The following BDP1 variants were observed in gnomAD, a reference collection of about 807,000 sequenced individuals.
BDP1 encodes BDP1 general transcription factor IIIB subunit.
A neutral mutation model predicts 266.6 loss-of-function variants in BDP1; 169 were observed. The ratio of observed to expected loss-of-function variants is 0.63; its 90% CI spans 0.56 to 0.72. The LOEUF is 0.72. BDP1 is among the 30% of genes least tolerant of loss of function. The pLI, the probability that BDP1 is intolerant of heterozygous loss-of-function variation, is 0.00. For synonymous variants in BDP1, 1,090 were observed against 1,022.4 expected, an observed-to-expected ratio of 1.07 and a Z score of -1.26; for missense variants, 3,015 against 3,053.8, an observed-to-expected ratio of 0.99 and a Z score of 0.30.
At chr5:71,572,215 G>C (rs1460215573), downstream of BDP1, among the ~76,000 whole-genome samples, 1 of 152,036 alleles carries the variant, frequency 6.6e-6, no homozygotes, top group East Asian at 1.9e-4. Flanking sequence ...TAAAGCTCAG[G>C]GCCCTTGTTC....
At chr5:71,463,831 A>C (rs1317417164) in intron 3 of BDP1, among the ~76,000 whole-genome samples, 1 of 8,328 alleles carries the variant, frequency 1.2e-4, no homozygotes, top group East Asian at 0.015. Context: ...TGTTGTATTA[A>C]AAAAAAAAAA....
chr5:71,541,074 T>G (rs771138343), intron 28 of BDP1, among the ~76,000 whole-genome samples: 9 of 152,192 alleles, frequency 5.9e-5, no homozygotes, highest in Non-Finnish European at 1.0e-4. Flanking sequence ...CAAAAACATA[T>G]AGAACATAAA....
Position 71,516,135 on chromosome 5 carries a change from G to T in BDP1, c.4724G>T (p.Arg1575Leu). 1 of 1,612,874 alleles carries T rather than the reference G, an allele frequency of 6.2e-7. No individual in the cohort carries two copies. The highest frequency in any genetic ancestry group is 8.5e-7 in the Non-Finnish European group (1 of 1,179,336). The change falls in exon 21 of 39, where the codon CGA becomes CTA. Residue 1575 changes from arginine to leucine, a missense_variant. Coordinates refer to ENST00000358731, the MANE Select transcript of BDP1 (RefSeq NM_018429.3). The part of the protein sequence containing the change: ...VIQTARQVRG[R>L]LQRPRPNIRK... Reference sequence around the variant, plus strand: ...CAAACTGCTCGACAAGTAAGGGGCCGACTTCAGAGACCGAGACCAAATATA... The same window carrying T: ...CAAACTGCTCGACAAGTAAGGGGCCTACTTCAGAGACCGAGACCAAATATA...
At chr5:71,471,210 T>C (rs920398573) in intron 7 of BDP1, among the ~76,000 whole-genome samples, 1 of 147,884 alleles carries the variant, frequency 6.8e-6, no homozygotes, top group Non-Finnish European at 1.5e-5. Context: ...TGGTGCGATA[T>C]CGGCTCACTG....
At chr5:71,526,761 C>T (rs1473610113) in intron 25 of BDP1, among the ~76,000 whole-genome samples, 3 of 145,242 alleles carry the variant, frequency 2.1e-5, no homozygotes, top group Non-Finnish European at 4.5e-5. Flanking sequence ...GATCTTGGCT[C>T]ATTGCAACCT....
At chr5:71,505,237 C>A (rs1365458740) in intron 16 of BDP1, among the ~76,000 whole-genome samples, 1 of 152,096 alleles carries the variant, frequency 6.6e-6, no homozygotes, top group Non-Finnish European at 1.5e-5. Context: ...GAACTCCTGA[C>A]CTCAAGTGAT....
chr5:71,559,076 C>T (rs901924765), intron 36 of BDP1, among the ~76,000 whole-genome samples: 7 of 152,010 alleles, frequency 4.6e-5, no homozygotes, highest in African/African-American at 1.5e-4. Context: ...ATTGCTTGAA[C>T]CCGGGAGGCA....
At chr5:71,491,536 A>G (rs1763594954) in intron 11 of BDP1, among the ~76,000 whole-genome samples, 1 of 151,674 alleles carries the variant, frequency 6.6e-6, no homozygotes, top group African/African-American at 2.4e-5. Flanking sequence ...CATGAGATTT[A>G]CCCTCAATAG....
At position 71,491,161 on chromosome 5, in the gene BDP1, C is replaced by T. The variant is rs1051236905; in HGVS notation, c.1640+30C>T. 10 of 1,600,644 alleles carry T rather than the reference C, an allele frequency of 6.2e-6. No individual in the cohort carries two copies. The African/African-American group carries it at 8.0e-5, about 13-fold the overall frequency. ...TTTCTGTGTCTTTTCTGGTTTTATC[C>T]ACATCTGTTGATTACTGAGAAAGGA... On this transcript the variant is annotated intron_variant, in intron 11 of 38. Coordinates refer to ENST00000358731, the MANE Select transcript of BDP1 (RefSeq NM_018429.3).
intron 15 of BDP1, 136 bp downstream of exon 15, chr5:71,502,927 C>T (rs571658199): frequency 1.0e-5 from 7 of 703,050 alleles, no homozygotes; most frequent in African/African-American, 5.5e-5. Context: ...CTTGCTCTGT[C>T]GCCCAGGCTG....
rs965819952 is a variant in BDP1, at chr5:71,530,560, ATTT to A, written c.5773-1743_5773-1741del. Among the ~76,000 whole-genome samples, 4 of 151,040 alleles carry A rather than the reference ATTT, an allele frequency of 2.6e-5. No homozygotes were observed. The East Asian group carries it at 7.8e-4, about 30-fold the overall frequency. On this transcript the variant is annotated intron_variant, in intron 25 of 38. Coordinates refer to ENST00000358731, the MANE Select transcript of BDP1 (RefSeq NM_018429.3). ...TGCCTGGCCTATTGTTTTTAAATTCATTTTTTTGGAGACAAGATCTTGCTGTGT... is the reference window on the plus strand; with the variant it reads ...TGCCTGGCCTATTGTTTTTAAATTCATTTTGGAGACAAGATCTTGCTGTGT...
At position 71,491,137 on chromosome 5, in the gene BDP1, T is replaced by C. The variant is rs779577973; in HGVS notation, c.1640+6T>C. 1.2e-6 allele frequency: 2 copies of C among 1,613,392 alleles called. No homozygotes were observed. The highest frequency in any genetic ancestry group is 2.2e-5 in the South Asian group (2 of 90,904). On this transcript the variant is annotated splice_donor_region_variant and intron_variant, in intron 11 of 38. Coordinates refer to ENST00000358731, the MANE Select transcript of BDP1 (RefSeq NM_018429.3). The stretch of plus-strand genomic sequence containing the variant: ...GACCCCATCCTTTCATTAAGGTATT[T>C]TCTGTGTCTTTTCTGGTTTTATCCA...
chr5:71,525,533 C>CG (rs1765780092), intron 25 of BDP1, among the ~76,000 whole-genome samples: 1 of 123,826 alleles, frequency 8.1e-6, no homozygotes, highest in South Asian at 2.8e-4. Flanking sequence ...GCTGGCCGGG[C>CG]GGGGGGCTGA....
intron 30 of BDP1, 135 bp downstream of exon 30, chr5:71,542,400 C>A: frequency 1.2e-6 from 1 of 830,786 alleles, no homozygotes; most frequent in South Asian, 2.0e-5. Flanking sequence ...GTAAGACGAG[C>A]TATAAAATAA....
rs1456536162 is a variant in BDP1 at position 71,464,099 on chromosome 5, C to T, written c.641C>T (p.Thr214Ile). 6.3e-7 allele frequency: 1 copy of T among 1,579,194 alleles called. No individual in the cohort carries two copies. The highest frequency in any genetic ancestry group is 1.2e-5 in the South Asian group (1 of 85,590). ...GAAAAGAAAACTGAAAAGCCATCGA[C>T]TCCAGTCCAGACAAGAGAGTAAGTA... ...EQEKKTEKPS[T>I]PVQTREQEGK... is the part of the protein sequence containing the mutation. The change falls in exon 4 of 39, where the codon ACT (threonine) becomes ATT (isoleucine). Residue 214 changes from threonine (T) to isoleucine (I), a missense_variant. This residue lies in a region of BDP1 where 2,383 missense variants were observed against 2,404.9 expected (regional missense o/e 0.99). Transcript: ENST00000358731.
At chr5:71,537,685 T>C (rs156755) in intron 26 of BDP1, 75,689 of 166,560 alleles carry the variant, frequency 0.45, 17,663 homozygotes, top group South Asian at 0.55. Context: ...GTTTTTCTCT[T>C]GTTTGCACTT....
intron 38 of BDP1, among the ~76,000 whole-genome samples, chr5:71,563,186 C>T (rs1414669531): frequency 2.0e-5 from 3 of 152,130 alleles, no homozygotes; most frequent in Non-Finnish European, 4.4e-5. Context: ...CTCACTCTGT[C>T]ACCCAGGCTG....
chr5:71,529,560 G>A (rs958204402), intron 25 of BDP1, among the ~76,000 whole-genome samples: 1 of 152,188 alleles, frequency 6.6e-6, no homozygotes, highest in African/African-American at 2.4e-5. Context: ...GTGTGTTGGT[G>A]CGTATCTATA....
intron 7 of BDP1, among the ~76,000 whole-genome samples, chr5:71,483,029 A>G (rs1158926245): frequency 1.3e-5 from 2 of 152,222 alleles, no homozygotes; most frequent in East Asian, 3.8e-4. Flanking sequence ...AAGTCATATT[A>G]GTGGTTAAGT....
Sources: gnomAD v4.1 joint callset for allele counts (sites outside exome capture counted in the v4.1 genomes callset) on GRCh38, gnomAD v4.1.1 for gene constraint, gnomAD v4.1.1 regional missense constraint, MANE v1.5 for transcripts, NCBI Gene and HGNC (gene_info 2026-07-23, HGNC 2026-07-21) for gene names.